Variants in OPHN1 observed in about 807,000 individuals in gnomAD.
OPHN1 encodes the protein oligophrenin-1.
OPHN1 carries 11 observed loss-of-function variants against 60.7 expected under a neutral mutation model. The ratio of observed to expected loss-of-function variants is 0.18; its 90% CI spans 0.11 to 0.30. The LOEUF (loss-of-function observed/expected upper bound fraction) is 0.30, where lower values mean the gene tolerates loss of function less well. Among genes scored for constraint, OPHN1 ranks in the 10% least tolerant of loss-of-function variants. OPHN1 has a pLI of 1.00. For synonymous variants in OPHN1, 226 were observed against 222.6 expected (o/e 1.02, Z -0.14); for missense variants, 449 against 611.0 (o/e 0.73, Z 2.80).
intron 6 of OPHN1, among the ~76,000 whole-genome samples, chrX:68,216,215 T>C (rs989054139): frequency 9.1e-6 from 1 of 110,123 alleles, no homozygotes; most frequent in African/African-American, 3.3e-5. Flanking sequence ...AAGGCAACCA[T>C]TAAAAAATGA....
At chrX:68,049,045 ATCT>A (rs769154482) in intron 23 of OPHN1, among the ~76,000 whole-genome samples, 8 of 110,731 alleles carry the variant, frequency 7.2e-5, no homozygotes, top group African/African-American at 2.6e-4. Flanking sequence ...TCCCTGGAGG[ATCT>A]TATTCCCATC....
rs1200219199 is a variant in OPHN1 at position 68,328,205 on chromosome X, T to C, written c.155-29109A>G. ...GTGCAGTGGCGCGATCTCGGCTCAC[T>C]GCAAGCTCCGCCTCCCGGGTTCACG... On this transcript the variant is annotated intron_variant, in intron 2 of 24. Coordinates refer to ENST00000355520, the MANE Select transcript of OPHN1 (RefSeq NM_002547.3). 7.7e-5 allele frequency among the ~76,000 whole-genome samples: 8 copies of C among 103,433 alleles called. 1 individual carries two copies. Among genetic ancestry groups the C allele is most frequent in the Non-Finnish European group, 1.6e-4 (8 of 51,241 alleles). 89.8% of individuals were successfully genotyped at this position (103,433 alleles called of 115,157 possible).
intron 5 of OPHN1, among the ~76,000 whole-genome samples, chrX:68,249,983 T>C (rs1156863823): frequency 8.9e-6 from 1 of 112,153 alleles, no homozygotes; most frequent in Non-Finnish European, 1.9e-5. Flanking sequence ...CAACACTATA[T>C]ACAAAATTCA....
chrX:68,045,469 G>A lies in OPHN1; in HGVS notation c.*1703C>T, dbSNP rs2076829328. Reference sequence around the variant, plus strand: ...ACTCACTCTCTATCTCTTTATCTAGGTTTATCTGTCAGTACTATAATCAGT... The same window carrying A: ...ACTCACTCTCTATCTCTTTATCTAGATTTATCTGTCAGTACTATAATCAGT... On this transcript the variant is annotated 3_prime_UTR_variant, in exon 25 of 25. Transcript: ENST00000355520. The A allele has an allele frequency of 8.9e-6, 1 of 111,869 alleles. No homozygotes were observed. Among genetic ancestry groups the A allele is most frequent in the Admixed American group, 9.5e-5 (1 of 10,518 alleles). 9.2% of individuals were successfully genotyped at this position (111,869 alleles called of 1,213,427 possible). A position where few individuals can be genotyped will look rare whatever the true frequency, so the allele number is the denominator to read the frequency against.
Position 68,099,468 on chromosome X carries a change from G to A in OPHN1, c.1527-2439C>T, listed in dbSNP as rs759300981. 8.1e-5 allele frequency among the ~76,000 whole-genome samples: 9 copies of A among 111,415 alleles called. No homozygotes were observed. In the East Asian group the frequency reaches 2.6e-3, roughly 32 times the overall value. Reference sequence around the variant, plus strand: ...GAAATGGGCCTGGTGAGAAGTGGCTGCCACATTTAAACAAGCAGACATTCT... The same window carrying A: ...GAAATGGGCCTGGTGAGAAGTGGCTACCACATTTAAACAAGCAGACATTCT... On this transcript the variant is annotated intron_variant, in intron 18 of 24. Coordinates refer to ENST00000355520, the MANE Select transcript of OPHN1 (RefSeq NM_002547.3).
intron 2 of OPHN1, among the ~76,000 whole-genome samples, chrX:68,333,671 GCACACACA>G (rs368691205): frequency 2.8e-5 from 3 of 107,398 alleles, no homozygotes; most frequent in South Asian, 8.1e-4. Context: ...GCGCGTGCGT[GCACACACA>G]CACACACAGA....
chrX:68,063,377 C>T (rs1239554083), intron 21 of OPHN1, among the ~76,000 whole-genome samples: 3 of 109,741 alleles, frequency 2.7e-5, no homozygotes, highest in Admixed American at 9.7e-5. Flanking sequence ...AAAAATTAGC[C>T]GGGCATGGTG....
At chrX:68,230,512 C>G (rs1327525914) in intron 6 of OPHN1, among the ~76,000 whole-genome samples, 2 of 110,029 alleles carry the variant, frequency 1.8e-5, no homozygotes, top group African/African-American at 6.6e-5. Flanking sequence ...TTGGAACCAA[C>G]CCAAATATCC....
At chrX:68,137,185 C>T (rs1386839782) in intron 15 of OPHN1, among the ~76,000 whole-genome samples, 4 of 111,474 alleles carry the variant, frequency 3.6e-5, no homozygotes, top group Non-Finnish European at 5.6e-5. Context: ...GCTTTGGAAA[C>T]ACATATATAA....
intron 2 of OPHN1, among the ~76,000 whole-genome samples, chrX:68,375,440 G>T (rs1344387685): frequency 8.9e-6 from 1 of 112,047 alleles, no homozygotes; most frequent in East Asian, 2.8e-4. Context: ...AAAAGATTCA[G>T]AACAGGGATC....
chrX:68,045,538 T>C lies in OPHN1; in HGVS notation c.*1634A>G, dbSNP rs2088543112. 1 of 111,913 alleles carries C rather than the reference T, an allele frequency of 8.9e-6. No homozygotes were observed. The highest frequency in any genetic ancestry group is 1.9e-5 in the Non-Finnish European group (1 of 53,251). 9.2% of individuals were successfully genotyped at this position (111,913 alleles called of 1,213,427 possible). A position where few individuals can be genotyped will look rare whatever the true frequency, so the allele number is the denominator to read the frequency against. On this transcript the variant is annotated 3_prime_UTR_variant, in exon 25 of 25. Transcript: ENST00000355520. ...TAGAAGAGTGCAAGTAGGAAAGCTCTTTCCCTCACACTGGGCAACATTATA... is the reference window on the plus strand; with the variant it reads ...TAGAAGAGTGCAAGTAGGAAAGCTCCTTCCCTCACACTGGGCAACATTATA...
intron 20 of OPHN1, among the ~76,000 whole-genome samples, chrX:68,065,031 T>C (rs2076908118): frequency 9.0e-6 from 1 of 110,624 alleles, no homozygotes; most frequent in Admixed American, 9.6e-5. Context: ...TTAGGAGATA[T>C]ACCTAATGTA....
chrX:68,238,763 AG>A (rs2077765448), intron 5 of OPHN1, among the ~76,000 whole-genome samples: 1 of 111,125 alleles, frequency 9.0e-6, no homozygotes, highest in Non-Finnish European at 1.9e-5. Flanking sequence ...TCAAACCTCT[AG>A]GGGGCGCATG....
intron 2 of OPHN1, among the ~76,000 whole-genome samples, chrX:68,331,884 A>G (rs1209154412): frequency 9.1e-6 from 1 of 110,206 alleles, no homozygotes; most frequent in Non-Finnish European, 1.9e-5. Flanking sequence ...AACTACAAAA[A>G]AATTAGCTTG....
At chrX:68,219,851 T>G (rs963228258) in intron 6 of OPHN1, among the ~76,000 whole-genome samples, 1 of 101,499 alleles carries the variant, frequency 9.9e-6, no homozygotes, top group African/African-American at 3.6e-5. Flanking sequence ...ATTGTCACCC[T>G]AACATCACAA....
chrX:68,305,612 T>C (rs1229571851), intron 2 of OPHN1, among the ~76,000 whole-genome samples: 2 of 112,189 alleles, frequency 1.8e-5, no homozygotes, highest in African/African-American at 6.5e-5. Context: ...GTGAATGTCG[T>C]TGAAAGCATA....
At chrX:68,222,484 G>A (rs1428855984) in intron 6 of OPHN1, among the ~76,000 whole-genome samples, 2 of 102,612 alleles carry the variant, frequency 1.9e-5, no homozygotes, top group African/African-American at 7.1e-5. Flanking sequence ...GCACACGTAT[G>A]TTTATTGCGG....
At chrX:68,310,441 A>G (rs2078167539) in intron 2 of OPHN1, among the ~76,000 whole-genome samples, 1 of 110,874 alleles carries the variant, frequency 9.0e-6, no homozygotes, top group Admixed American at 9.7e-5. Context: ...AAGAGGAAAA[A>G]AAAAATGCCC....
At chrX:68,193,727 G>A (rs371240413) in intron 14 of OPHN1, among the ~76,000 whole-genome samples, 163 bp downstream of exon 14, 56 of 112,074 alleles carry the variant, frequency 5.0e-4, no homozygotes, top group African/African-American at 1.7e-3. Flanking sequence ...AAATATGCTT[G>A]CATACCACTA....
Sources: allele counts gnomAD v4.1 joint callset (sites outside exome capture counted in the v4.1 genomes callset), GRCh38; gene constraint gnomAD v4.1.1; transcripts MANE v1.5; gene names NCBI Gene and HGNC (gene_info 2026-07-23, HGNC 2026-07-21).